The following RSPO2 variants were observed in gnomAD, a reference collection of about 807,000 sequenced individuals.
RSPO2 encodes the protein R-spondin-2.
A neutral mutation model predicts 30.9 loss-of-function variants in RSPO2; 14 were observed. The observed-to-expected ratio is 0.45, with a 90% CI of 0.30 to 0.71. The LOEUF is 0.71. Among genes scored for constraint, RSPO2 ranks in the 30% least tolerant of loss-of-function variants. The pLI is 0.08. For missense variants in RSPO2, 264 were observed against 301.9 expected, an observed-to-expected ratio of 0.87 and a Z score of 0.93; for synonymous variants, 107 against 96.4, an observed-to-expected ratio of 1.11 and a Z score of -0.64.
intron 5 of RSPO2, among the ~76,000 whole-genome samples, chr8:107,956,376 C>A (rs1466240510): frequency 1.3e-5 from 2 of 152,136 alleles, no homozygotes; most frequent in African/African-American, 4.8e-5. Flanking sequence ...TTAAATCAGT[C>A]TGTTACTGGC....
intron 2 of RSPO2, among the ~76,000 whole-genome samples, chr8:108,030,044 T>G (rs1414158233): frequency 6.8e-6 from 1 of 147,930 alleles, no homozygotes; most frequent in Non-Finnish European, 1.5e-5. Context: ...TCCTTTTGTC[T>G]CAGCTCCATG....
Position 107,969,322 on chromosome 8 carries a change from C to T in RSPO2, c.284-8505G>A, listed in dbSNP as rs952186734. On this transcript the variant is annotated intron_variant, in intron 3 of 5. Transcript: ENST00000276659. Reference sequence around the variant, plus strand: ...CCATAGTATCTTTTATTTTAACTGCCGAGGACATATATGCTGTCAAAAAAT... The same window carrying T: ...CCATAGTATCTTTTATTTTAACTGCTGAGGACATATATGCTGTCAAAAAAT... Among the ~76,000 whole-genome samples, 4 of 152,006 alleles carry T rather than the reference C, an allele frequency of 2.6e-5. No individual in the cohort carries two copies. The East Asian group carries it at 5.8e-4, about 22-fold the overall frequency.
intron 2 of RSPO2, among the ~76,000 whole-genome samples, chr8:108,070,890 T>G (rs1812825311): frequency 4.6e-5 from 7 of 152,234 alleles, no homozygotes; most frequent in Admixed American, 4.6e-4. Context: ...TTCCTCTTCA[T>G]AAAATACTTT....
At chr8:107,901,258 A>C (rs1811453949) in intron 5 of RSPO2, 68 bp from the exon 6 acceptor site, 2 of 1,515,924 alleles carry the variant, frequency 1.3e-6, no homozygotes, top group South Asian at 1.3e-5. Context: ...AAACACAAAA[A>C]TATTGGGAGT....
chr8:107,975,998 T>C (rs1814196248), intron 3 of RSPO2, among the ~76,000 whole-genome samples: 1 of 152,156 alleles, frequency 6.6e-6, no homozygotes, highest in Non-Finnish European at 1.5e-5. Flanking sequence ...TCCTGCATAG[T>C]GATGTAAAGC....
intron 2 of RSPO2, among the ~76,000 whole-genome samples, chr8:108,056,639 A>G (rs1459949487): frequency 3.0e-4 from 44 of 149,132 alleles, no homozygotes; most frequent in South Asian, 6.5e-4. Flanking sequence ...AAAAAAAAAA[A>G]AAAAGAAAAG....
intron 5 of RSPO2, among the ~76,000 whole-genome samples, chr8:107,938,337 A>G (rs1812783522): frequency 1.3e-5 from 2 of 152,064 alleles, no homozygotes. Context: ...TCCTTCAAAT[A>G]CGTTATCTTA....
At chr8:108,023,582 T>A (rs1420828682) in intron 2 of RSPO2, among the ~76,000 whole-genome samples, 1 of 152,140 alleles carries the variant, frequency 6.6e-6, no homozygotes, top group African/African-American at 2.4e-5. Flanking sequence ...TCTTAGGTAG[T>A]GAGAGTTGAA....
intron 2 of RSPO2, among the ~76,000 whole-genome samples, chr8:108,075,478 C>CT (rs1330217951): frequency 6.8e-6 from 1 of 147,450 alleles, no homozygotes; most frequent in African/African-American, 2.5e-5. Context: ...GAAATTCCAT[C>CT]TCAAAAAAAA....
chr8:107,975,148 G>T (rs927356173), intron 3 of RSPO2, among the ~76,000 whole-genome samples: 1 of 152,174 alleles, frequency 6.6e-6, no homozygotes, highest in Admixed American at 6.5e-5. Context: ...TTGTTCCACT[G>T]TACCACCACC....
intron 2 of RSPO2, among the ~76,000 whole-genome samples, chr8:108,081,103 A>T (rs941884829): frequency 2.6e-5 from 4 of 152,200 alleles, no homozygotes; most frequent in African/African-American, 9.7e-5. Context: ...AAAGTCAGAA[A>T]TCGGGGGAGA....
chr8:108,034,833 G>T (rs968625837), intron 2 of RSPO2, among the ~76,000 whole-genome samples: 1 of 152,168 alleles, frequency 6.6e-6, no homozygotes, highest in Non-Finnish European at 1.5e-5. Flanking sequence ...GGGTGTGCAC[G>T]CACAGAACAC....
rs1390724359 is a variant in RSPO2 at position 107,918,169 on chromosome 8, G to C, written c.617-16979C>G. On this transcript the variant is annotated intron_variant, in intron 5 of 5. Coordinates refer to ENST00000276659, the MANE Select transcript of RSPO2 (RefSeq NM_178565.5). Reference sequence around the variant, plus strand: ...CGTTGTTGATCCTTTTTGTTTTCCAGGGCCAAGAAAATGTCTTCCGAGCTA... The same window carrying C: ...CGTTGTTGATCCTTTTTGTTTTCCACGGCCAAGAAAATGTCTTCCGAGCTA... 4.5e-4 allele frequency among the ~76,000 whole-genome samples: 69 copies of C among 151,952 alleles called. 1 individual carries two copies. Among genetic ancestry groups the C allele is most frequent in the Admixed American group, 4.5e-3 (68 of 15,236 alleles).
At chr8:108,015,637 AT>A (rs985392260) in intron 2 of RSPO2, among the ~76,000 whole-genome samples, 3 of 150,550 alleles carry the variant, frequency 2.0e-5, no homozygotes, top group African/African-American at 7.3e-5. Flanking sequence ...CCAACCCTTG[AT>A]ATCTGATCTT....
intron 5 of RSPO2, among the ~76,000 whole-genome samples, chr8:107,902,052 G>A (rs1811492445): frequency 6.6e-6 from 1 of 152,060 alleles, no homozygotes; most frequent in Non-Finnish European, 1.5e-5. Context: ...CTCAACCTTT[G>A]TACACATAAG....
chr8:107,936,026 A>G (rs1812713177), intron 5 of RSPO2, among the ~76,000 whole-genome samples: 1 of 152,110 alleles, frequency 6.6e-6, no homozygotes, highest in Non-Finnish European at 1.5e-5. Context: ...CTACTCTGCT[A>G]TCAAATATTA....
intron 3 of RSPO2, among the ~76,000 whole-genome samples, chr8:107,966,836 G>A (rs966229854): frequency 1.3e-5 from 2 of 152,170 alleles, no homozygotes; most frequent in Non-Finnish European, 2.9e-5. Flanking sequence ...CTGTCAAAAT[G>A]TAATTATATA....
chr8:107,957,235 A>T (rs1379484699), intron 5 of RSPO2, among the ~76,000 whole-genome samples: 1 of 152,244 alleles, frequency 6.6e-6, no homozygotes, highest in African/African-American at 2.4e-5. Flanking sequence ...AACAAAAGTT[A>T]TGATTCTTTT....
intron 3 of RSPO2, among the ~76,000 whole-genome samples, chr8:107,970,194 A>G (rs1813946685): frequency 6.6e-6 from 1 of 152,252 alleles, no homozygotes; most frequent in Admixed American, 6.5e-5. Flanking sequence ...CACAGACAAT[A>G]TGTAAATGAT....
Sources: allele counts gnomAD v4.1 joint callset (sites outside exome capture counted in the v4.1 genomes callset), GRCh38; gene constraint gnomAD v4.1.1; transcripts MANE v1.5; gene names NCBI Gene and HGNC (gene_info 2026-07-23, HGNC 2026-07-21).